RIPK1: variants seen among roughly 807,000 people sequenced by gnomAD.
The protein encoded by RIPK1 is receptor interacting serine/threonine kinase 1.
RIPK1 carries 27 observed loss-of-function variants against 62.4 expected under a neutral mutation model. The observed-to-expected ratio is 0.43, with a 90% CI of 0.32 to 0.60. RIPK1 has a LOEUF of 0.60. RIPK1 is among the 20% of genes least tolerant of loss of function. The pLI is 0.07. For missense variants in RIPK1, 735 were observed against 831.0 expected (o/e 0.88, Z 1.42); for synonymous variants, 287 against 303.2 (o/e 0.95, Z 0.55).
chr6:3,069,597 T>TA (rs1758588068), intron 1 of RIPK1, among the ~76,000 whole-genome samples: 1 of 152,228 alleles, frequency 6.6e-6, no homozygotes, highest in Non-Finnish European at 1.5e-5. Flanking sequence ...TTCCCTGACT[T>TA]ACACTTGAAG....
chr6:3,111,203 G>T (rs997229756), intron 10 of RIPK1, among the ~76,000 whole-genome samples: 1 of 152,098 alleles, frequency 6.6e-6, no homozygotes, highest in Admixed American at 6.5e-5. Flanking sequence ...TGTATAAAAA[G>T]CTTAGAACAC....
At chr6:3,082,763 T>G (rs930418142) in intron 4 of RIPK1, among the ~76,000 whole-genome samples, 3 of 152,174 alleles carry the variant, frequency 2.0e-5, no homozygotes, top group Non-Finnish European at 4.4e-5. Flanking sequence ...GCAGAGTCAA[T>G]GGGGAATGAG....
intron 5 of RIPK1, among the ~76,000 whole-genome samples, chr6:3,084,591 CTTT>C (rs55789041): frequency 2.2e-5 from 3 of 134,650 alleles, no homozygotes; most frequent in Non-Finnish European, 4.6e-5. Context: ...CTTGTACATC[CTTT>C]TTTTTTTTTT....
At chr6:3,089,512 A>C in intron 6 of RIPK1, 69 bp from the exon 7 acceptor site, 1 of 799,736 alleles carries the variant, frequency 1.3e-6, no homozygotes. Flanking sequence ...CAAAGATAAT[A>C]GATGGCTAAT....
chr6:3,071,045 G>A (rs1450658977), intron 1 of RIPK1, among the ~76,000 whole-genome samples: 1 of 152,214 alleles, frequency 6.6e-6, no homozygotes, highest in East Asian at 1.9e-4. Flanking sequence ...TTTAAACTCT[G>A]TTTCAATTCT....
At chr6:3,094,264 T>TA (rs1168699333) in intron 7 of RIPK1, among the ~76,000 whole-genome samples, 2 of 152,080 alleles carry the variant, frequency 1.3e-5, no homozygotes, top group African/African-American at 4.8e-5. Context: ...TTCAAGAACA[T>TA]ACAGAGCATT....
At chr6:3,064,917 G>A (rs1381806225), upstream of RIPK1, among the ~76,000 whole-genome samples, 1 of 152,022 alleles carries the variant, frequency 6.6e-6, no homozygotes, top group Non-Finnish European at 1.5e-5. Flanking sequence ...AAGGGCCCCA[G>A]GAGATTTAGG....
At chr6:3,067,184 C>T (rs2113523879), upstream of RIPK1, among the ~76,000 whole-genome samples, 1 of 147,424 alleles carries the variant, frequency 6.8e-6, no homozygotes, top group Admixed American at 7.1e-5. Context: ...CAAGTTTTGG[C>T]AATTATGAAT....
At chr6:3,084,484 C>T (rs776230295) in intron 5 of RIPK1, among the ~76,000 whole-genome samples, 1 of 151,872 alleles carries the variant, frequency 6.6e-6, no homozygotes, top group Admixed American at 6.6e-5. Flanking sequence ...GAGTCCTCCT[C>T]CTTAAGTCTC....
rs1177404046 is a variant in RIPK1, at chr6:3,072,899, T to A, written c.-60-3865T>A. 6.8e-6 allele frequency among the ~76,000 whole-genome samples: 1 copy of A among 146,096 alleles called. No individual in the cohort carries two copies. The highest frequency in any genetic ancestry group is 1.5e-5 in the Non-Finnish European group (1 of 68,022). On this transcript the variant is annotated intron_variant, in intron 1 of 10. Coordinates refer to ENST00000259808, the MANE Select transcript of RIPK1 (RefSeq NM_001354930.2). This position sits in a 1 kb window ranked among gnomAD's most constrained non-coding sequence, Gnocchi z 5.6. ...GGCCTAAAATCAATGTTATCTTTTA[T>A]GCCCTCTGTCTCCACCCGCTCCTAC...
chr6:3,084,606 T>C (rs1327660832), intron 5 of RIPK1, among the ~76,000 whole-genome samples: 13 of 151,174 alleles, frequency 8.6e-5, no homozygotes, highest in Admixed American at 8.6e-4. Flanking sequence ...TTTTTTTTTT[T>C]TCCCGTGAGA....
At chr6:3,106,548 A>G (rs1760859721) in intron 9 of RIPK1, among the ~76,000 whole-genome samples, 1 of 152,232 alleles carries the variant, frequency 6.6e-6, no homozygotes, top group South Asian at 2.1e-4. Flanking sequence ...GCAGTCTAGA[A>G]TGGAAGTGAG....
intron 7 of RIPK1, among the ~76,000 whole-genome samples, chr6:3,100,434 A>T (rs532541056): frequency 3.0e-4 from 45 of 152,116 alleles, no homozygotes; most frequent in African/African-American, 1.0e-3. Context: ...AAATATATAT[A>T]TATTTCTGGA....
rs17513499 is a variant in RIPK1 at position 3,103,983 on chromosome 6, G to A, written c.916-242G>A. On this transcript the variant is annotated intron_variant, in intron 7 of 10. Transcript: ENST00000259808. ...GTGCCTGTCTTTATGCCAGTCCTAC[G>A]CTGTTTTGAATACTGTAGCTTTGTA... Among the ~76,000 whole-genome samples, 867 of 152,250 alleles carry A rather than the reference G, an allele frequency of 5.7e-3. 7 individuals carry two copies. The highest frequency in any genetic ancestry group is 0.019 in the African/African-American group (788 of 41,544).
Position 3,112,733 on chromosome 6 carries a change from T to C in RIPK1, c.1730-320T>C, listed in dbSNP as rs573284183. 7.9e-5 allele frequency among the ~76,000 whole-genome samples: 12 copies of C among 152,280 alleles called. No individual in the cohort carries two copies. The South Asian group carries it at 2.5e-3, about 32-fold the overall frequency. ...TTTTTTTTTTGGTAGAGACAGGTTC[T>C]TGCTGTGTTGCCCAGGACTGGTCTA... On this transcript the variant is annotated intron_variant, in intron 10 of 10. Transcript: ENST00000259808.
chr6:3,078,024 G>A lies in RIPK1; in HGVS notation c.321+89G>A, dbSNP rs529978499. ...CCCTTGGGGTGTTTGTTTGCAGCTCGTTAGCATCAAATTTGCAAATTGCTT... is the reference window on the plus strand; with the variant it reads ...CCCTTGGGGTGTTTGTTTGCAGCTCATTAGCATCAAATTTGCAAATTGCTT... On this transcript the variant is annotated intron_variant, in intron 3 of 10. Coordinates refer to ENST00000259808, the MANE Select transcript of RIPK1 (RefSeq NM_001354930.2). 3.2e-4 allele frequency: 443 copies of A among 1,402,460 alleles called. 5 individuals are homozygous for A. In the Middle Eastern group the frequency reaches 6.6e-3, roughly 21 times the overall value. The allele number at this position is 1,402,460 out of a possible 1,614,324, so 86.9% of individuals were successfully genotyped here. A position where few individuals can be genotyped will look rare whatever the true frequency, so the allele number is the denominator to read the frequency against.
In RIPK1 at chr6:3,077,933, G is replaced by A. The variant is rs765452429; in HGVS notation, c.319G>A (p.Glu107Lys). The change falls in exon 3 of 11, where the codon GAG (glutamate) becomes AAG (lysine). Residue 107 changes from glutamate (E) to lysine (K), a missense_variant and splice_region_variant. Around this residue, in one of 2 missense-constraint regions of RIPK1, gnomAD observed 671 missense variants for 726.2 expected, o/e 0.92. Coordinates refer to ENST00000259808, the MANE Select transcript of RIPK1 (RefSeq NM_001354930.2). ...CAACCTGATGCACGTGCTGAAAGCCGAGGTAGAGAGGGCCCCTCCGCACGG... is the reference window on the plus strand; with the variant it reads ...CAACCTGATGCACGTGCTGAAAGCCAAGGTAGAGAGGGCCCCTCCGCACGG... ...KGNLMHVLKA[E>K]MSTPLSVKGR... 10 of 1,613,618 alleles carry A rather than the reference G, an allele frequency of 6.2e-6. No individual in the cohort carries two copies. Among genetic ancestry groups the A allele is most frequent in the Non-Finnish European group, 7.6e-6 (9 of 1,179,964 alleles).
At chr6:3,082,885 C>T (rs780053458) in intron 4 of RIPK1, among the ~76,000 whole-genome samples, 200 bp from the exon 5 acceptor site, 1 of 152,136 alleles carries the variant, frequency 6.6e-6, no homozygotes, top group Non-Finnish European at 1.5e-5. Flanking sequence ...GTTTCCTGGG[C>T]GACATTTTAC....
chr6:3,070,653 G>T (rs1480436414), intron 1 of RIPK1, among the ~76,000 whole-genome samples: 1 of 152,116 alleles, frequency 6.6e-6, no homozygotes, highest in African/African-American at 2.4e-5. Flanking sequence ...GGCCAATCTG[G>T]TCTCAAACTC....
Sources: gnomAD v4.1 joint callset for allele counts (sites outside exome capture counted in the v4.1 genomes callset) on GRCh38, gnomAD v4.1.1 for gene constraint, gnomAD v4.1.1 regional missense constraint, Gnocchi (gnomAD v3.1) non-coding constraint, MANE v1.5 for transcripts, NCBI Gene and HGNC (gene_info 2026-07-23, HGNC 2026-07-21) for gene names.